The following HSPBAP1 variants were observed in gnomAD, a reference collection of about 807,000 sequenced individuals.
The protein encoded by HSPBAP1 is HSPB1-associated protein 1.
Under a neutral mutation model 45.2 loss-of-function variants are expected in HSPBAP1, and 27 were observed. The ratio of observed to expected loss-of-function variants is 0.60; its 90% CI spans 0.44 to 0.82. HSPBAP1 has a LOEUF of 0.82. Ranked by LOEUF, HSPBAP1 falls within the 40% of genes least tolerant of loss-of-function variation. The pLI, the probability that HSPBAP1 is intolerant of heterozygous loss-of-function variation, is 0.00. For synonymous variants in HSPBAP1, 204 were observed against 202.7 expected (o/e 1.01, Z -0.06); for missense variants, 510 against 590.9 (o/e 0.86, Z 1.42).
chr3:122,790,799 T>C (rs72968314), intron 1 of HSPBAP1, among the ~76,000 whole-genome samples: 6,401 of 152,192 alleles, frequency 0.042, 443 homozygotes, highest in African/African-American at 0.14. Context: ...CTACGGAACA[T>C]TGTGAGACCC....
intron 1 of HSPBAP1, among the ~76,000 whole-genome samples, chr3:122,780,148 A>C (rs1576270931): frequency 2.3e-5 from 2 of 87,234 alleles, no homozygotes; most frequent in Non-Finnish European, 4.9e-5. Context: ...TGACCCCCCC[A>C]CCTCCCTCCT....
chr3:122,752,800 A>T, intron 5 of HSPBAP1, 126 bp from the exon 6 acceptor site: 1 of 1,386,656 alleles, frequency 7.2e-7, no homozygotes, highest in Non-Finnish European at 9.4e-7. Context: ...ATATTGCTGG[A>T]GAAAAGTAAA....
chr3:122,791,031 A>T (rs1935812528), intron 1 of HSPBAP1, among the ~76,000 whole-genome samples: 1 of 152,228 alleles, frequency 6.6e-6, no homozygotes, highest in Non-Finnish European at 1.5e-5. Flanking sequence ...AAAAATGGTC[A>T]CGATTCTTGA....
intron 1 of HSPBAP1, among the ~76,000 whole-genome samples, chr3:122,780,146 C>T (rs866863225): frequency 8.4e-6 from 1 of 118,570 alleles, no homozygotes; most frequent in Admixed American, 8.1e-5. Context: ...GCTGACCCCC[C>T]CACCTCCCTC....
intron 2 of HSPBAP1, among the ~76,000 whole-genome samples, chr3:122,771,141 G>A (rs1047917488): frequency 2.0e-5 from 3 of 152,216 alleles, no homozygotes; most frequent in Non-Finnish European, 4.4e-5. Flanking sequence ...AACTGTTACT[G>A]TCAGGGGAAA....
intron 6 of HSPBAP1, among the ~76,000 whole-genome samples, chr3:122,750,140 A>G (rs1323891325): frequency 1.4e-5 from 2 of 147,960 alleles, no homozygotes; most frequent in African/African-American, 5.0e-5. Context: ...ATGCCCAGCT[A>G]ATTTTTGCAT....
In HSPBAP1 at chr3:122,768,841, G is replaced by C. The variant is rs746291497; in HGVS notation, c.292C>G (p.Leu98Val). Residue 98 changes from leucine to valine, a missense_variant, in exon 3 of 8, where the codon CTC (leucine) becomes GTC (valine). Physicochemically the swap from Leu to Val is conservative, Grantham distance 32. Coordinates refer to ENST00000306103, the MANE Select transcript of HSPBAP1 (RefSeq NM_024610.6). The stretch of plus-strand genomic sequence containing the variant: ...CAGTTCCAGGTCAGAAACTCTTCGA[G>C]TGTAGCTTCTACGTAATTACATGTA... ...ETTCNYVEAT[L>V]EEFLTWNCDQ... The C allele has an allele frequency of 2.5e-6, 4 of 1,612,632 alleles. No homozygotes were observed. The highest frequency in any genetic ancestry group is 2.7e-5 in the African/African-American group (2 of 74,892).
At chr3:122,793,388 C>G (rs1935897658) in intron 1 of HSPBAP1, among the ~76,000 whole-genome samples, 1 of 152,210 alleles carries the variant, frequency 6.6e-6, no homozygotes, top group Non-Finnish European at 1.5e-5. Context: ...AAAAATAACA[C>G]CCCATGCGTG....
At chr3:122,792,895 G>A (rs1935879814) in intron 1 of HSPBAP1, among the ~76,000 whole-genome samples, 1 of 150,060 alleles carries the variant, frequency 6.7e-6, no homozygotes, top group Non-Finnish European at 1.5e-5. Flanking sequence ...AAAAAAGAGA[G>A]AAAAGAAAAA....
intron 2 of HSPBAP1, among the ~76,000 whole-genome samples, chr3:122,769,515 A>G (rs1934910015): frequency 6.6e-6 from 1 of 152,184 alleles, no homozygotes; most frequent in Non-Finnish European, 1.5e-5. Context: ...AGAATGATGA[A>G]ATTAATTTTA....
At chr3:122,771,539 A>G (rs1934999307) in intron 2 of HSPBAP1, among the ~76,000 whole-genome samples, 1 of 152,210 alleles carries the variant, frequency 6.6e-6, no homozygotes, top group African/African-American at 2.4e-5. Context: ...CTATTTCTCC[A>G]TTTTGTTAAA....
At chr3:122,759,641 C>T (rs1934496463) in intron 3 of HSPBAP1, among the ~76,000 whole-genome samples, 1 of 152,094 alleles carries the variant, frequency 6.6e-6, no homozygotes, top group South Asian at 2.1e-4. Context: ...AATCAATGAA[C>T]AAAAGAGACA....
chr3:122,772,278 T>C (rs1935028953), intron 2 of HSPBAP1, among the ~76,000 whole-genome samples: 1 of 152,196 alleles, frequency 6.6e-6, no homozygotes, highest in African/African-American at 2.4e-5. Context: ...CAGGATTTCT[T>C]TACAGTGAGA....
chr3:122,760,045 C>G (rs1934513096), intron 3 of HSPBAP1, among the ~76,000 whole-genome samples: 1 of 152,104 alleles, frequency 6.6e-6, no homozygotes, highest in Non-Finnish European at 1.5e-5. Flanking sequence ...ATATACTCCC[C>G]AAAGTCATGA....
chr3:122,781,425 C>G (rs545291581), intron 1 of HSPBAP1, among the ~76,000 whole-genome samples: 1 of 151,748 alleles, frequency 6.6e-6, no homozygotes, highest in Non-Finnish European at 1.5e-5. Flanking sequence ...CGTGGCGGCG[C>G]GTGCCTGCAA....
At chr3:122,772,331 A>G (rs1935030278) in intron 2 of HSPBAP1, among the ~76,000 whole-genome samples, 1 of 152,198 alleles carries the variant, frequency 6.6e-6, no homozygotes, top group South Asian at 2.1e-4. Context: ...ATAAAATTCA[A>G]TAATATATAA....
intron 1 of HSPBAP1, among the ~76,000 whole-genome samples, chr3:122,780,109 C>T (rs1357898952): frequency 9.4e-5 from 14 of 148,650 alleles, no homozygotes; most frequent in African/African-American, 2.5e-4. Flanking sequence ...CCTCACCTCC[C>T]GGACGGGGCG....
intron 6 of HSPBAP1, among the ~76,000 whole-genome samples, chr3:122,745,773 A>G (rs1933825055): frequency 6.6e-6 from 1 of 152,216 alleles, no homozygotes; most frequent in South Asian, 2.1e-4. Context: ...TGAAAAGGTG[A>G]AAGTTCTCGA....
At chr3:122,747,068 C>T (rs1302974011) in intron 6 of HSPBAP1, among the ~76,000 whole-genome samples, 3 of 152,180 alleles carry the variant, frequency 2.0e-5, no homozygotes, top group Non-Finnish European at 4.4e-5. Flanking sequence ...CTCTGCCCGG[C>T]CGCCACCCCA....
Sources: gnomAD v4.1 joint callset for allele counts (sites outside exome capture counted in the v4.1 genomes callset) on GRCh38, gnomAD v4.1.1 for gene constraint, MANE v1.5 for transcripts, NCBI Gene and HGNC (gene_info 2026-07-23, HGNC 2026-07-21) for gene names.